Variants in DOCK4 observed in about 807,000 individuals in gnomAD.
The protein encoded by DOCK4 is dedicator of cytokinesis 4.
Under a neutral mutation model 268.1 loss-of-function variants are expected in DOCK4, and 97 were observed. The observed-to-expected ratio is 0.36, with a 90% CI of 0.31 to 0.43. DOCK4 has a LOEUF of 0.43. Ranked by LOEUF, DOCK4 falls within the 20% of genes least tolerant of loss-of-function variation. The pLI, the probability that DOCK4 is intolerant of heterozygous loss-of-function variation, is 1.00. For synonymous variants in DOCK4, 954 were observed against 887.2 expected (o/e 1.08, Z -1.34); for missense variants, 2,145 against 2,455.7 (o/e 0.87, Z 2.67).
chr7:111,819,961 C>T (rs916628281), intron 27 of DOCK4: 7 of 152,140 alleles, frequency 4.6e-5, no homozygotes, highest in African/African-American at 1.2e-4. Flanking sequence ...TTTAGCCAAG[C>T]GGAAACTTTT....
intron 11 of DOCK4, among the ~76,000 whole-genome samples, chr7:111,939,004 G>A (rs1486240323): frequency 2.0e-5 from 3 of 150,826 alleles, no homozygotes; most frequent in Non-Finnish European, 4.4e-5. Context: ...GGGGGGGTGG[G>A]GGATTGGACC....
intron 1 of DOCK4, among the ~76,000 whole-genome samples, chr7:112,101,108 G>GT (rs1322855413): frequency 6.6e-6 from 1 of 152,148 alleles, no homozygotes; most frequent in African/African-American, 2.4e-5. Context: ...TTCCACTTTG[G>GT]AAACCACTTC....
chr7:111,880,462 T>C (rs935325870), intron 16 of DOCK4, among the ~76,000 whole-genome samples: 4 of 152,184 alleles, frequency 2.6e-5, no homozygotes, highest in African/African-American at 9.7e-5. Context: ...AAGGGAGCTC[T>C]TCAATCCGAA....
intron 26 of DOCK4, among the ~76,000 whole-genome samples, chr7:111,825,511 T>C (rs1193974744): frequency 6.6e-6 from 1 of 152,166 alleles, no homozygotes; most frequent in Non-Finnish European, 1.5e-5. Flanking sequence ...TACAACTAAG[T>C]AACAGATTCT....
At chr7:111,737,676 G>T (rs1165703565) in intron 49 of DOCK4, among the ~76,000 whole-genome samples, 4 of 152,134 alleles carry the variant, frequency 2.6e-5, no homozygotes, top group African/African-American at 9.7e-5. Flanking sequence ...CTTAAAAGTA[G>T]ATGTACTACG....
intron 1 of DOCK4, among the ~76,000 whole-genome samples, chr7:112,142,972 C>G (rs907052493): frequency 4.6e-5 from 7 of 151,952 alleles, no homozygotes; most frequent in African/African-American, 1.7e-4. Context: ...GTACATGTGT[C>G]TTTTTATGAA....
intron 1 of DOCK4, among the ~76,000 whole-genome samples, chr7:112,179,319 G>A (rs573336919): frequency 3.3e-5 from 5 of 151,904 alleles, no homozygotes; most frequent in South Asian, 2.1e-4. Flanking sequence ...CTGGGATGTC[G>A]AGGCTGCAGT....
At chr7:112,012,474 C>G (rs1001051171) in intron 1 of DOCK4, among the ~76,000 whole-genome samples, 1 of 152,076 alleles carries the variant, frequency 6.6e-6, no homozygotes, top group Non-Finnish European at 1.5e-5. Context: ...TTCTGCACAA[C>G]AGTATTATTT....
intron 49 of DOCK4, among the ~76,000 whole-genome samples, chr7:111,737,248 G>A (rs1040286885): frequency 6.6e-6 from 1 of 152,098 alleles, no homozygotes; most frequent in African/African-American, 2.4e-5. Flanking sequence ...ATAATAAAAT[G>A]TAAAAAATAA....
At chr7:111,882,682 G>T (rs1291795021) in intron 16 of DOCK4, among the ~76,000 whole-genome samples, 3 of 151,210 alleles carry the variant, frequency 2.0e-5, no homozygotes, top group Admixed American at 2.0e-4. Flanking sequence ...GTGTGATCTC[G>T]GCTCACCACA....
At chr7:112,103,515 C>T (rs1810869558) in intron 1 of DOCK4, among the ~76,000 whole-genome samples, 1 of 152,200 alleles carries the variant, frequency 6.6e-6, no homozygotes, top group African/African-American at 2.4e-5. Flanking sequence ...ATATTTGATC[C>T]TGGCCCTTAA....
intron 8 of DOCK4, among the ~76,000 whole-genome samples, chr7:111,950,104 T>C (rs1473151562): frequency 6.6e-6 from 1 of 152,168 alleles, no homozygotes. Flanking sequence ...TTTTTAGATT[T>C]TTTGTAGTGA....
At chr7:112,101,828 C>CTTTTCT (rs570814667) in intron 1 of DOCK4, among the ~76,000 whole-genome samples, 5,261 of 137,296 alleles carry the variant, frequency 0.038, 142 homozygotes, top group East Asian at 0.11. Flanking sequence ...GTTCTGAGAC[C>CTTTTCT]TTTTCTTTTT....
At chr7:111,868,789 T>C (rs1179533655) in intron 21 of DOCK4, among the ~76,000 whole-genome samples, 1 of 152,238 alleles carries the variant, frequency 6.6e-6, no homozygotes, top group Non-Finnish European at 1.5e-5. Flanking sequence ...TCAGATGTTT[T>C]TTAAATTTAG....
chr7:112,059,736 G>C (rs562020520), intron 1 of DOCK4, among the ~76,000 whole-genome samples: 1 of 152,238 alleles, frequency 6.6e-6, no homozygotes, highest in Non-Finnish European at 1.5e-5. Flanking sequence ...AAAAGAGGGG[G>C]GAAAAAGTCA....
chr7:111,743,206 G>GC lies in DOCK4; in HGVS notation c.4678-1075dup, dbSNP rs1348752479. 5.3e-5 allele frequency among the ~76,000 whole-genome samples: 8 copies of GC among 152,232 alleles called. No individual in the cohort carries two copies. In the East Asian group the frequency reaches 1.5e-3, roughly 29 times the overall value. Reference sequence around the variant, plus strand: ...CAGCTGTCTTTTGTATTTTAAAAATGCCCCCCATGCTAACATGGTCAAAAG... The same window carrying GC: ...CAGCTGTCTTTTGTATTTTAAAAATGCCCCCCCATGCTAACATGGTCAAAAG... On this transcript the variant is annotated intron_variant, in intron 44 of 52. Coordinates refer to ENST00000428084, the MANE Select transcript of DOCK4 (RefSeq NM_001363540.2).
At chr7:111,850,626 C>G (rs1358317515) in intron 23 of DOCK4, among the ~76,000 whole-genome samples, 1 of 152,156 alleles carries the variant, frequency 6.6e-6, no homozygotes, top group African/African-American at 2.4e-5. Context: ...TGACATTCCA[C>G]CACTGTGATT....
chr7:111,882,274 A>C (rs1807454774), intron 16 of DOCK4, among the ~76,000 whole-genome samples: 1 of 152,294 alleles, frequency 6.6e-6, no homozygotes, highest in Non-Finnish European at 1.5e-5. Flanking sequence ...TGGGTAAAAA[A>C]ATCCACACAG....
chr7:112,133,945 G>A (rs769000114), intron 1 of DOCK4, among the ~76,000 whole-genome samples: 3 of 152,004 alleles, frequency 2.0e-5, no homozygotes, highest in Non-Finnish European at 4.4e-5. Context: ...GAATGGAGTG[G>A]GATGGAATGA....
Sources: allele counts gnomAD v4.1 joint callset (sites outside exome capture counted in the v4.1 genomes callset), GRCh38; gene constraint gnomAD v4.1.1; transcripts MANE v1.5; gene names NCBI Gene and HGNC (gene_info 2026-07-23, HGNC 2026-07-21).